The following SEC31B variants were observed in gnomAD, a reference collection of about 807,000 sequenced individuals.
SEC31B encodes the protein SEC31 homolog B, COPII component, also known as protein transport protein Sec31B.
SEC31B carries 113 observed loss-of-function variants against 135.0 expected under a neutral mutation model. The observed-to-expected ratio is 0.84, with a 90% CI of 0.72 to 0.98. SEC31B has a LOEUF of 0.98. Ranked by LOEUF, SEC31B falls within the 50% of genes least tolerant of loss-of-function variation. The pLI, the probability that SEC31B is intolerant of heterozygous loss-of-function variation, is 0.00. For synonymous variants in SEC31B, 508 were observed against 549.4 expected (o/e 0.92, Z 1.05); for missense variants, 1,296 against 1,421.1 (o/e 0.91, Z 1.42).
At chr10:100,490,640 G>A (rs1851284342) in intron 20 of SEC31B, 66 bp downstream of exon 20, 2 of 1,431,076 alleles carry the variant, frequency 1.4e-6, no homozygotes, top group African/African-American at 1.4e-5. Flanking sequence ...ATCCATGCTG[G>A]CCATGCCAAT....
At position 100,508,763 on chromosome 10, in the gene SEC31B, C is replaced by T. The variant is rs554281518; in HGVS notation, c.495+244G>A. 49 of 553,486 alleles carry T rather than the reference C, an allele frequency of 8.9e-5. No homozygotes were observed. In the East Asian group the frequency reaches 1.5e-3, roughly 17 times the overall value. 34.3% of individuals were successfully genotyped at this position (553,486 alleles called of 1,614,324 possible). ...GGTGTCTTTTGCTCTCCCCAACTTT[C>T]ATCTGCCTCCCAGAAACTCTTAGAA... On this transcript the variant is annotated intron_variant, in intron 5 of 25. Coordinates refer to ENST00000370345, the MANE Select transcript of SEC31B (RefSeq NM_015490.4).
chr10:100,496,654 G>A (rs1851415371), intron 17 of SEC31B, among the ~76,000 whole-genome samples: 1 of 152,114 alleles, frequency 6.6e-6, no homozygotes, highest in Non-Finnish European at 1.5e-5. Flanking sequence ...GACCCATCTG[G>A]GTCTTAGATT....
Position 100,487,732 on chromosome 10 carries a change from C to T in SEC31B, c.3424G>A (p.Glu1142Lys). The change falls in exon 26 of 26, where the codon GAG becomes AAG. Residue 1142 changes from glutamate to lysine, a missense_variant. Physicochemically the swap from Glu to Lys is moderately conservative, Grantham distance 56. Coordinates refer to ENST00000370345, the MANE Select transcript of SEC31B (RefSeq NM_015490.4). The stretch of plus-strand genomic sequence containing the variant: ...TGGGCATGCACTGCAAGGCCCTGCT[C>T]AAAGCTTCCTGCATCCACACATCGG... ...VARCVDAGSFEQGLAVHAQVA... is the reference protein window; with the variant it reads ...VARCVDAGSFKQGLAVHAQVA... 6.2e-7 allele frequency: 1 copy of T among 1,614,046 alleles called. No homozygotes were observed. The highest frequency in any genetic ancestry group is 8.5e-7 in the Non-Finnish European group (1 of 1,179,978).
chr10:100,496,571 T>G, intron 17 of SEC31B, 140 bp from the exon 18 acceptor site: 1 of 844,498 alleles, frequency 1.2e-6, no homozygotes, highest in East Asian at 2.7e-5. Flanking sequence ...CAGCAGATGA[T>G]GACACGTAAG....
At chr10:100,503,058 C>G (rs988699280) in intron 10 of SEC31B, among the ~76,000 whole-genome samples, 4 of 152,144 alleles carry the variant, frequency 2.6e-5, no homozygotes, top group Non-Finnish European at 4.4e-5. Context: ...AGTGCACAAA[C>G]CTCTGCAAAA....
At position 100,506,188 on chromosome 10, in the gene SEC31B, A is replaced by T. The variant is rs750690611; in HGVS notation, c.896T>A (p.Leu299Gln). 9.9e-6 allele frequency: 16 copies of T among 1,614,202 alleles called. No individual in the cohort carries two copies. Among genetic ancestry groups the T allele is most frequent in the Middle Eastern group, 3.3e-4 (2 of 6,062 alleles). ...NLGSSEVVYKLPTQSSWCFDV... is the reference protein window; with the variant it reads ...NLGSSEVVYKQPTQSSWCFDV... ...AAAGCACCAGCTGCTCTGTGTTGGT[A>T]GCTTATATACCACCTAATATGAGGG... The change falls in exon 9 of 26, where the codon CTA becomes CAA. Residue 299 changes from leucine to glutamine, a missense_variant. Coordinates refer to ENST00000370345, the MANE Select transcript of SEC31B (RefSeq NM_015490.4).
At chr10:100,495,027 C>T in intron 19 of SEC31B, 1 of 297,920 alleles carries the variant, frequency 3.4e-6, no homozygotes, top group Non-Finnish European at 6.5e-6. Context: ...GGGGTTTCAC[C>T]ATGTTGGCTA....
chr10:100,509,583 T>A (rs1851702066), intron 3 of SEC31B, 72 bp from the exon 4 acceptor site: 6 of 1,277,158 alleles, frequency 4.7e-6, no homozygotes, highest in Non-Finnish European at 6.4e-6. Context: ...GGCATCTCTG[T>A]CAGCTTCTGC....
chr10:100,499,327 T>C (rs1172984753), intron 12 of SEC31B, 69 bp from the exon 13 acceptor site: 2 of 1,297,132 alleles, frequency 1.5e-6, no homozygotes, highest in Non-Finnish European at 2.2e-6. Context: ...CCTCTTTTCC[T>C]ATCTCCATAC....
rs939995090 is a variant in SEC31B, at chr10:100,506,256, C to T, written c.883-55G>A. 1.4e-5 allele frequency: 23 copies of T among 1,613,914 alleles called. No homozygotes were observed. The Admixed American group carries it at 3.8e-4, about 27-fold the overall frequency. Reference sequence around the variant, plus strand: ...AGTCCATGAAACCCAAAACACATGGCTGCAGCTGAGATTCTTCTACCCTCT... The same window carrying T: ...AGTCCATGAAACCCAAAACACATGGTTGCAGCTGAGATTCTTCTACCCTCT... On this transcript the variant is annotated intron_variant, in intron 8 of 25. Coordinates refer to ENST00000370345, the MANE Select transcript of SEC31B (RefSeq NM_015490.4).
chr10:100,487,858 A>T (rs1734165590), intron 25 of SEC31B, 63 bp from the exon 26 acceptor site: 2 of 1,589,994 alleles, frequency 1.3e-6, no homozygotes, highest in African/African-American at 2.7e-5. Context: ...GCAGCATGGA[A>T]GGGATAAGGG....
intron 1 of SEC31B, 63 bp from the exon 2 acceptor site, chr10:100,517,060 T>C: frequency 1.3e-6 from 1 of 780,100 alleles, no homozygotes; most frequent in South Asian, 1.5e-5. Flanking sequence ...ACAAGAGTTC[T>C]TGTTTGTCTT....
chr10:100,511,597 C>A (rs895853132), intron 3 of SEC31B, among the ~76,000 whole-genome samples: 14 of 152,066 alleles, frequency 9.2e-5, no homozygotes, highest in African/African-American at 3.4e-4. Context: ...AAGTGAGACC[C>A]TATGTCTATT....
intron 24 of SEC31B, among the ~76,000 whole-genome samples, chr10:100,488,337 T>G (rs1851224959): frequency 6.6e-6 from 1 of 151,578 alleles, no homozygotes; most frequent in Admixed American, 6.6e-5. Flanking sequence ...TGGGCACCTG[T>G]AGTCCCAGCT....
chr10:100,505,224 A>G (rs1851603006), intron 10 of SEC31B, 137 bp downstream of exon 10: 1 of 1,101,862 alleles, frequency 9.1e-7, no homozygotes, highest in African/African-American at 1.6e-5. Context: ...AGTGGGATCC[A>G]TTCTGAGACA....
intron 16 of SEC31B, 99 bp from the exon 17 acceptor site, chr10:100,497,379 T>C: frequency 6.4e-7 from 1 of 1,553,648 alleles, no homozygotes; most frequent in East Asian, 2.3e-5. Flanking sequence ...CTGGGACAAG[T>C]AGCTGCAGTT....
chr10:100,516,385 C>T (rs1312482328), intron 2 of SEC31B, among the ~76,000 whole-genome samples, 166 bp from the exon 3 acceptor site: 2 of 152,088 alleles, frequency 1.3e-5, no homozygotes, highest in Non-Finnish European at 2.9e-5. Flanking sequence ...CGGTGGCTCA[C>T]GCCTGTAATC....
chr10:100,501,927 C>T (rs1330298147), intron 11 of SEC31B, among the ~76,000 whole-genome samples: 1 of 152,180 alleles, frequency 6.6e-6, no homozygotes, highest in Non-Finnish European at 1.5e-5. Flanking sequence ...TTCCCATTAC[C>T]TTATCTGCCC....
chr10:100,490,771 C>T lies in SEC31B; in HGVS notation c.2585G>A (p.Ser862Asn), dbSNP rs760283567. The T allele has an allele frequency of 3.1e-6, 5 of 1,611,034 alleles. No individual in the cohort carries two copies. The highest frequency in any genetic ancestry group is 4.2e-6 in the Non-Finnish European group (5 of 1,178,408). Reference sequence around the variant, plus strand: ...CTGGGGCCCAGGTGCCCTGTAGTCACTTATATTCTGTGTCCTGGGACCCTG... The same window carrying T: ...CTGGGGCCCAGGTGCCCTGTAGTCATTTATATTCTGTGTCCTGGGACCCTG... ...PYQGPRTQNI[S>N]DYRAPGPQAI... The change falls in exon 20 of 26, where the codon AGT (serine) becomes AAT (asparagine). Residue 862 changes from serine (S) to asparagine (N), a missense_variant. Transcript: ENST00000370345.
Sources: allele counts gnomAD v4.1 joint callset (sites outside exome capture counted in the v4.1 genomes callset), GRCh38; gene constraint gnomAD v4.1.1; transcripts MANE v1.5; gene names NCBI Gene and HGNC (gene_info 2026-07-23, HGNC 2026-07-21).